Variants in SEMA6D observed in about 807,000 individuals in gnomAD.
SEMA6D encodes semaphorin 6D, also known as semaphorin-6D.
A neutral mutation model predicts 106.6 loss-of-function variants in SEMA6D; 35 were observed. The observed-to-expected ratio is 0.33, with a 90% CI of 0.25 to 0.44. The LOEUF is 0.44. SEMA6D is among the 20% of genes least tolerant of loss of function. The pLI is 1.00. For missense variants in SEMA6D, 1,185 were observed against 1,345.9 expected (o/e 0.88, Z 1.87); for synonymous variants, 499 against 487.7 (o/e 1.02, Z -0.31).
intron 3 of SEMA6D, among the ~76,000 whole-genome samples, chr15:47,495,650 A>G (rs1055986046): frequency 6.6e-6 from 1 of 152,042 alleles, no homozygotes; most frequent in East Asian, 1.9e-4. Flanking sequence ...ACTTTCCTTT[A>G]TTCTGTGGAA....
chr15:47,274,635 A>C (rs116367083), intron 1 of SEMA6D: 1 of 152,224 alleles, frequency 6.6e-6, no homozygotes, highest in Non-Finnish European at 1.5e-5. Flanking sequence ...TGAAACTTCT[A>C]TGAGGTTTTC....
chr15:47,635,127 G>A (rs1219593074), intron 4 of SEMA6D, among the ~76,000 whole-genome samples: 1 of 152,126 alleles, frequency 6.6e-6, no homozygotes, highest in Non-Finnish European at 1.5e-5. Flanking sequence ...TGACCTCCCT[G>A]TAAAGTCTGC....
At chr15:47,371,325 G>A (rs547412565) in intron 1 of SEMA6D, among the ~76,000 whole-genome samples, 15 of 152,252 alleles carry the variant, frequency 9.9e-5, no homozygotes, top group Non-Finnish European at 1.8e-4. Flanking sequence ...TTACACATAG[G>A]CAGAAAATTC....
chr15:47,506,602 A>ACACACG (rs2044048321), intron 3 of SEMA6D, among the ~76,000 whole-genome samples: 1 of 140,234 alleles, frequency 7.1e-6, no homozygotes, highest in Non-Finnish European at 1.5e-5. Context: ...ACACACAAAC[A>ACACACG]CACACACACA....
chr15:47,435,090 C>T (rs914997919), intron 2 of SEMA6D, among the ~76,000 whole-genome samples: 2 of 152,204 alleles, frequency 1.3e-5, no homozygotes, highest in Middle Eastern at 3.4e-3. Context: ...ACATTGGATT[C>T]GAATTTCAGT....
At chr15:47,529,514 C>G (rs558089345) in intron 3 of SEMA6D, among the ~76,000 whole-genome samples, 2 of 150,104 alleles carry the variant, frequency 1.3e-5, no homozygotes, top group Admixed American at 1.3e-4. Flanking sequence ...CTGTCATCTA[C>G]TTTCCTAAGC....
intron 2 of SEMA6D, among the ~76,000 whole-genome samples, chr15:47,446,873 G>A (rs949685107): frequency 6.6e-6 from 1 of 152,102 alleles, no homozygotes; most frequent in African/African-American, 2.4e-5. Flanking sequence ...CCAGCAAAGA[G>A]ATAAGGTGAG....
intron 1 of SEMA6D, among the ~76,000 whole-genome samples, chr15:47,235,283 G>A (rs939540588): frequency 6.6e-6 from 1 of 151,790 alleles, no homozygotes; most frequent in African/African-American, 2.4e-5. Context: ...CTTCCATTTT[G>A]TGAGTTGTCT....
intron 2 of SEMA6D, among the ~76,000 whole-genome samples, chr15:47,423,681 A>C (rs2041241140): frequency 6.6e-6 from 1 of 152,126 alleles, no homozygotes; most frequent in Non-Finnish European, 1.5e-5. Flanking sequence ...CTTGATGTAC[A>C]TGAAATATTC....
chr15:47,227,567 TCTCACA>T (rs1407689986), intron 1 of SEMA6D, among the ~76,000 whole-genome samples: 6 of 87,268 alleles, frequency 6.9e-5, no homozygotes, highest in African/African-American at 1.6e-4. Context: ...TCTCTCTCTC[TCTCACA>T]CACACACACA....
intron 2 of SEMA6D, among the ~76,000 whole-genome samples, chr15:47,451,580 G>A (rs1248661506): frequency 1.3e-5 from 2 of 152,132 alleles, no homozygotes; most frequent in South Asian, 2.1e-4. Flanking sequence ...TTACATAGGA[G>A]AGCAGGTGGC....
chr15:47,468,340 A>G (rs921281621), intron 2 of SEMA6D, among the ~76,000 whole-genome samples: 8 of 152,182 alleles, frequency 5.3e-5, no homozygotes, highest in African/African-American at 1.4e-4. Context: ...AACCACTGCA[A>G]TCGAAGAAGT....
intron 3 of SEMA6D, among the ~76,000 whole-genome samples, chr15:47,567,051 T>G (rs1017735117): frequency 2.6e-5 from 4 of 152,232 alleles, no homozygotes; most frequent in Non-Finnish European, 4.4e-5. Flanking sequence ...TTGGAATTAT[T>G]CTGCCACCAG....
chr15:47,286,864 C>G (rs1365189769), intron 1 of SEMA6D, among the ~76,000 whole-genome samples: 1 of 152,064 alleles, frequency 6.6e-6, no homozygotes, highest in Non-Finnish European at 1.5e-5. Flanking sequence ...TGGCTGATAC[C>G]CTATCTTCTG....
At chr15:47,218,396 G>A (rs1427740893) in intron 1 of SEMA6D, among the ~76,000 whole-genome samples, 3 of 152,084 alleles carry the variant, frequency 2.0e-5, no homozygotes, top group Non-Finnish European at 4.4e-5. Flanking sequence ...CCTATTATGG[G>A]TTGAATGTAC....
chr15:47,206,141 A>G (rs138973374), intron 1 of SEMA6D, among the ~76,000 whole-genome samples: 76 of 152,360 alleles, frequency 5.0e-4, no homozygotes, highest in African/African-American at 1.8e-3. Context: ...CTCAAGCCAC[A>G]TGCCTTGAAG....
At chr15:47,425,844 G>T (rs772792335) in intron 2 of SEMA6D, among the ~76,000 whole-genome samples, 2 of 151,732 alleles carry the variant, frequency 1.3e-5, no homozygotes, top group Non-Finnish European at 2.9e-5. Flanking sequence ...ACACTTTTAG[G>T]ACTGGAAACA....
chr15:47,634,579 C>T (rs921486249), intron 4 of SEMA6D, among the ~76,000 whole-genome samples: 4 of 152,164 alleles, frequency 2.6e-5, no homozygotes, highest in African/African-American at 4.8e-5. Flanking sequence ...CTTCCCACTG[C>T]ACCCTGTTGA....
chr15:47,288,579 A>G (rs1439486750), intron 1 of SEMA6D, among the ~76,000 whole-genome samples: 5 of 152,204 alleles, frequency 3.3e-5, no homozygotes, highest in African/African-American at 9.6e-5. Flanking sequence ...AATTTCTATA[A>G]TGGCCTTTTG....
Sources: allele counts gnomAD v4.1 joint callset (sites outside exome capture counted in the v4.1 genomes callset), GRCh38; gene constraint gnomAD v4.1.1; transcripts MANE v1.5; gene names NCBI Gene and HGNC (gene_info 2026-07-23, HGNC 2026-07-21).